Variants in FBXW7 observed in about 807,000 individuals in gnomAD.
FBXW7 encodes F-box/WD repeat-containing protein 7.
FBXW7 carries 11 observed loss-of-function variants against 86.3 expected under a neutral mutation model. The observed-to-expected ratio is 0.13, with a 90% confidence interval of 0.08 to 0.21. The LOEUF (loss-of-function observed/expected upper bound fraction) is 0.21, where lower values mean the gene tolerates loss of function less well. Ranked by LOEUF, FBXW7 falls within the 10% of genes least tolerant of loss-of-function variation. FBXW7 has a pLI of 1.00. For synonymous variants in FBXW7, 313 were observed against 297.9 expected (o/e 1.05, Z -0.52); for missense variants, 488 against 847.4 (o/e 0.58, Z 5.27).
At chr4:152,410,972 C>A (rs1296676392) in intron 4 of FBXW7, among the ~76,000 whole-genome samples, 1 of 152,134 alleles carries the variant, frequency 6.6e-6, no homozygotes, top group Non-Finnish European at 1.5e-5. Context: ...TTGATTTACA[C>A]AAATCATGTT....
chr4:152,465,843 C>CAA (rs33966110), intron 2 of FBXW7, among the ~76,000 whole-genome samples: 3 of 117,246 alleles, frequency 2.6e-5, no homozygotes, highest in African/African-American at 3.2e-5. Flanking sequence ...GACTCTTTCT[C>CAA]AAAAAAAAAA....
intron 4 of FBXW7, among the ~76,000 whole-genome samples, chr4:152,355,003 TCTCC>T (rs1246009624): frequency 6.6e-6 from 1 of 152,140 alleles, no homozygotes; most frequent in Non-Finnish European, 1.5e-5. Flanking sequence ...TTTAAACAAT[TCTCC>T]CTAATATCTT....
intron 2 of FBXW7, among the ~76,000 whole-genome samples, chr4:152,533,574 G>T (rs562976640): frequency 6.6e-6 from 1 of 152,150 alleles, no homozygotes; most frequent in Non-Finnish European, 1.5e-5. Flanking sequence ...GTGGTCAAAT[G>T]AAAGACATTA....
chr4:152,468,571 G>C (rs1743660973), intron 2 of FBXW7, among the ~76,000 whole-genome samples: 1 of 152,148 alleles, frequency 6.6e-6, no homozygotes, highest in Non-Finnish European at 1.5e-5. Flanking sequence ...AACAGAAAGT[G>C]TATTAGTGGT....
At position 152,328,305 on chromosome 4, in the gene FBXW7, G is replaced by T. The variant is rs1729243072; in HGVS notation, c.1321C>A (p.Arg441=). Residue 441 remains arginine, a synonymous_variant, in exon 11 of 14, where the codon CGG becomes AGG. Coordinates refer to ENST00000281708, the MANE Select transcript of FBXW7 (RefSeq NM_001349798.2). ...DNIIISGSTD[R]TLKVWNAETG... ...TCTGCATTCCACACTTTGAGTGTCCGATCTGTAGATCCACTAATGATGATG... is the reference window on the plus strand; with the variant it reads ...TCTGCATTCCACACTTTGAGTGTCCTATCTGTAGATCCACTAATGATGATG... The T allele has an allele frequency of 3.4e-5, 55 of 1,597,596 alleles. No homozygotes were observed. The highest frequency in any genetic ancestry group is 4.3e-5 in the Non-Finnish European group (51 of 1,173,004).
chr4:152,495,849 C>T (rs1746287875), intron 2 of FBXW7, among the ~76,000 whole-genome samples: 1 of 152,184 alleles, frequency 6.6e-6, no homozygotes, highest in African/African-American at 2.4e-5. Context: ...ATATGATTAT[C>T]TGCATGAGGT....
chr4:152,388,209 T>C (rs916414662), intron 4 of FBXW7, among the ~76,000 whole-genome samples: 4 of 152,208 alleles, frequency 2.6e-5, no homozygotes, highest in Admixed American at 6.5e-5. Flanking sequence ...AGACATTACA[T>C]GTATGTAAAC....
At chr4:152,325,758 A>G (rs2126489467) in intron 12 of FBXW7, 3 of 426,372 alleles carry the variant, frequency 7.0e-6, no homozygotes, top group South Asian at 4.1e-5. Flanking sequence ...TTAGAGCCCC[A>G]AAGTGTCAGG....
intron 2 of FBXW7, among the ~76,000 whole-genome samples, chr4:152,522,827 C>T (rs1749148582): frequency 6.6e-6 from 1 of 152,112 alleles, no homozygotes; most frequent in East Asian, 1.9e-4. Flanking sequence ...ATAAAGAAAC[C>T]GAGGGAGGTT....
chr4:152,490,897 A>G (rs1163035450), intron 2 of FBXW7, among the ~76,000 whole-genome samples: 1 of 152,160 alleles, frequency 6.6e-6, no homozygotes, highest in Non-Finnish European at 1.5e-5. Flanking sequence ...ACAAAACAAC[A>G]AGCTCTTAAA....
At chr4:152,408,045 T>A (rs1737580671) in intron 4 of FBXW7, among the ~76,000 whole-genome samples, 1 of 152,062 alleles carries the variant, frequency 6.6e-6, no homozygotes, top group African/African-American at 2.4e-5. Flanking sequence ...TTGAGGCAAA[T>A]GGATAAAAAC....
intron 4 of FBXW7, among the ~76,000 whole-genome samples, chr4:152,364,469 T>A (rs1052817817): frequency 1.3e-5 from 2 of 152,186 alleles, no homozygotes; most frequent in African/African-American, 4.8e-5. Flanking sequence ...AATCATAATA[T>A]TTATGAAAGA....
intron 4 of FBXW7, among the ~76,000 whole-genome samples, chr4:152,404,269 C>A (rs1285495383): frequency 1.3e-5 from 2 of 152,082 alleles, no homozygotes; most frequent in South Asian, 4.1e-4. Context: ...TCAAAAAAGA[C>A]CACATAGAAT....
chr4:152,461,073 G>A (rs1742897249), intron 2 of FBXW7, among the ~76,000 whole-genome samples: 1 of 152,032 alleles, frequency 6.6e-6, no homozygotes, highest in African/African-American at 2.4e-5. Context: ...CTGAGGTCGG[G>A]AGGGAGTTCA....
intron 2 of FBXW7, among the ~76,000 whole-genome samples, chr4:152,532,021 A>G (rs957747876): frequency 6.6e-6 from 1 of 152,122 alleles, no homozygotes; most frequent in African/African-American, 2.4e-5. Context: ...TGTCTCATTC[A>G]TTCAGATTTT....
chr4:152,444,936 A>T (rs1741237430), intron 2 of FBXW7, among the ~76,000 whole-genome samples: 1 of 152,160 alleles, frequency 6.6e-6, no homozygotes, highest in African/African-American at 2.4e-5. Flanking sequence ...TGCCAGACTC[A>T]GATGATCCTC....
chr4:152,419,080 T>C (rs989292982), intron 2 of FBXW7, among the ~76,000 whole-genome samples: 2 of 152,142 alleles, frequency 1.3e-5, no homozygotes, highest in African/African-American at 4.8e-5. Context: ...TGGTTTAAAA[T>C]TGTGTCTAAA....
chr4:152,467,068 T>C lies in FBXW7; in HGVS notation c.-119-54539A>G, dbSNP rs187360968. On this transcript the variant is annotated intron_variant, in intron 2 of 13. Coordinates refer to ENST00000281708, the MANE Select transcript of FBXW7 (RefSeq NM_001349798.2). ...TAAAAAGCAATGGTTTCTTAAACTA[T>C]GAAATAAAATATGCAGTAATTGTCA... Among the ~76,000 whole-genome samples, 82 of 152,320 alleles carry C rather than the reference T, an allele frequency of 5.4e-4. 2 individuals are homozygous for C. Among genetic ancestry groups the C allele is most frequent in the Admixed American group, 4.8e-3 (74 of 15,312 alleles).
chr4:152,349,188 A>T (rs529467034), intron 5 of FBXW7, among the ~76,000 whole-genome samples: 1 of 152,172 alleles, frequency 6.6e-6, no homozygotes, highest in African/African-American at 2.4e-5. Flanking sequence ...AAAAATAACT[A>T]AATTGAAATA....
Sources: allele counts gnomAD v4.1 joint callset (sites outside exome capture counted in the v4.1 genomes callset), GRCh38; gene constraint gnomAD v4.1.1; transcripts MANE v1.5; gene names NCBI Gene and HGNC (gene_info 2026-07-23, HGNC 2026-07-21).